The following CCNJL variants were observed in gnomAD, a reference collection of about 807,000 sequenced individuals.
The protein encoded by CCNJL is cyclin J like.
A neutral mutation model predicts 33.4 loss-of-function variants in CCNJL; 33 were observed. The ratio of observed to expected loss-of-function variants is 0.99; its 90% confidence interval spans 0.75 to 1.32. The LOEUF (loss-of-function observed/expected upper bound fraction) is 1.32. CCNJL is among the 40% of genes most tolerant of loss of function. CCNJL has a pLI of 0.00. For synonymous variants in CCNJL, 227 were observed against 220.9 expected (o/e 1.03, Z -0.24); for missense variants, 512 against 499.7 (o/e 1.02, Z -0.23).
At chr5:160,320,822 T>TTTCTTTCTTTCTTTCTTTCTTTCC (rs1561812427) in intron 1 of CCNJL, among the ~76,000 whole-genome samples, 65 of 113,352 alleles carry the variant, frequency 5.7e-4, no homozygotes, top group African/African-American at 2.4e-3. Flanking sequence ...TCTTTCTTTC[T>TTTCTTTCTTTCTTTCTTTCTTTCC]TTCTTTCTTT....
intron 1 of CCNJL, among the ~76,000 whole-genome samples, chr5:160,322,085 T>A (rs1763472401): frequency 6.6e-6 from 1 of 152,098 alleles, no homozygotes; most frequent in African/African-American, 2.4e-5. Context: ...GGCCAGATCT[T>A]GAGCATAGTT....
intron 2 of CCNJL, among the ~76,000 whole-genome samples, chr5:160,297,669 A>C (rs989667487): frequency 3.9e-5 from 6 of 152,038 alleles, no homozygotes; most frequent in Non-Finnish European, 7.4e-5. Context: ...AAAAAAAAAA[A>C]AAACAAAACA....
intron 2 of CCNJL, among the ~76,000 whole-genome samples, chr5:160,284,274 C>G (rs1685108032): frequency 1.3e-5 from 2 of 152,070 alleles, no homozygotes; most frequent in South Asian, 4.1e-4. Flanking sequence ...ATCACTTGAG[C>G]ACAGGAGGAG....
chr5:160,291,339 A>G (rs545247412), intron 2 of CCNJL, among the ~76,000 whole-genome samples: 2 of 152,310 alleles, frequency 1.3e-5, no homozygotes, highest in Admixed American at 1.3e-4. Flanking sequence ...CCCTGAAAAA[A>G]AGGGTTCTGT....
intron 3 of CCNJL, among the ~76,000 whole-genome samples, chr5:160,279,845 G>A (rs544267377): frequency 5.3e-5 from 8 of 152,338 alleles, no homozygotes; most frequent in African/African-American, 1.4e-4. Context: ...ATGGGATGAT[G>A]TTAAGTGGAA....
chr5:160,282,354 A>G (rs975489742), intron 2 of CCNJL, among the ~76,000 whole-genome samples: 2 of 152,036 alleles, frequency 1.3e-5, no homozygotes, highest in Non-Finnish European at 2.9e-5. Context: ...CAACTATAAA[A>G]CTCTTAGAAG....
intron 3 of CCNJL, among the ~76,000 whole-genome samples, chr5:160,278,878 C>T (rs953841351): frequency 6.6e-6 from 1 of 152,204 alleles, no homozygotes; most frequent in Non-Finnish European, 1.5e-5. Flanking sequence ...GTTTCACAAG[C>T]CCCGCAGACG....
chr5:160,339,331 A>G, intron 1 of CCNJL: 1 of 287,800 alleles, frequency 3.5e-6, no homozygotes, highest in South Asian at 3.4e-5. Context: ...ATCACTTTGT[A>G]ACTCTATATA....
chr5:160,253,793 T>C lies in CCNJL; in HGVS notation c.749A>G (p.Tyr250Cys), dbSNP rs1171998814. 6.0e-6 allele frequency: 9 copies of C among 1,506,564 alleles called. No homozygotes were observed. The highest frequency in any genetic ancestry group is 4.3e-5 in the Admixed American group (2 of 46,862). The allele number at this position is 1,506,564 out of a possible 1,614,324, so 93.3% of individuals were successfully genotyped here. ...TACGGCATCCTTGAGGACGTTGTCATACACTCTGAAACGAGAAGACCTGGG... is the reference window on the plus strand; with the variant it reads ...TACGGCATCCTTGAGGACGTTGTCACACACTCTGAAACGAGAAGACCTGGG... ...STCIEILLVV[Y>C]DNVLKDAVAV... Residue 250 changes from tyrosine (Y) to cysteine (C), a missense_variant, in exon 6 of 6, where the codon TAT becomes TGT. Tyr to Cys is a radical substitution (Grantham distance 194). Transcript: ENST00000257536.
chr5:160,253,951 G>A (rs980129629), intron 5 of CCNJL, among the ~76,000 whole-genome samples, 153 bp from the exon 6 acceptor site: 2 of 152,252 alleles, frequency 1.3e-5, no homozygotes, highest in East Asian at 1.9e-4. Context: ...GTGTGGCACC[G>A]CTCCAGCTGT....
rs146342743 is a variant in CCNJL at position 160,286,752 on chromosome 5, A to C, written c.67-6014T>G. The stretch of plus-strand genomic sequence containing the variant: ...CGTGCTGGAAGGGGCTGGTCTCAAG[A>C]GGGCAGGATTTTGAAGCTAGAACAC... On this transcript the variant is annotated intron_variant, in intron 2 of 5. Transcript: ENST00000257536. 3.9e-3 allele frequency among the ~76,000 whole-genome samples: 589 copies of C among 152,264 alleles called. 1 individual carries two copies. Among genetic ancestry groups the C allele is most frequent in the Non-Finnish European group, 6.3e-3 (427 of 68,014 alleles).
rs1258185720 is a variant in CCNJL, at chr5:160,249,817, T to TG, written c.*3560_*3561insC. On this transcript the variant is annotated 3_prime_UTR_variant, in exon 6 of 6. Transcript: ENST00000257536. ...ATAAATAAATAAATAAAATAAAAAT[T>TG]TAAAAAATCAAACTAAACTGGGGAG... 2.7e-5 allele frequency: 4 copies of TG among 147,918 alleles called. No individual in the cohort carries two copies. Among genetic ancestry groups the TG allele is most frequent in the African/African-American group, 9.9e-5 (4 of 40,266 alleles). The allele number at this position is 147,918 out of a possible 1,614,324, so 9.2% of individuals were successfully genotyped here.
chr5:160,308,688 G>GC (rs1267260691), intron 2 of CCNJL, among the ~76,000 whole-genome samples: 1 of 152,188 alleles, frequency 6.6e-6, no homozygotes, highest in Non-Finnish European at 1.5e-5. Context: ...AACCCGGGAG[G>GC]CGGAGGTTGC....
intron 3 of CCNJL, among the ~76,000 whole-genome samples, chr5:160,277,744 G>GT (rs57967385): frequency 0.25 from 31,353 of 125,148 alleles, 4,435 homozygotes; most frequent in East Asian, 0.49. Context: ...CTGTCTATCT[G>GT]TTTTTTTTTT....
At chr5:160,289,678 T>C (rs1435108463) in intron 2 of CCNJL, among the ~76,000 whole-genome samples, 1 of 152,124 alleles carries the variant, frequency 6.6e-6, no homozygotes, top group Non-Finnish European at 1.5e-5. Context: ...CAAGGACTCA[T>C]GAATCACAGC....
At chr5:160,287,391 G>A (rs1051326323) in intron 2 of CCNJL, among the ~76,000 whole-genome samples, 14 of 152,318 alleles carry the variant, frequency 9.2e-5, no homozygotes, top group Middle Eastern at 6.8e-3. Context: ...CCTCTGCAGA[G>A]CCCTCAAACC....
At position 160,259,906 on chromosome 5, in the gene CCNJL, T is replaced by G. The variant is rs1580948482; in HGVS notation, c.281-135A>C. ...GCAGACAGGCCAGACTGCGGAGGAATAGGAGCACACATTCCAGATCTGTCA... is the reference window on the plus strand; with the variant it reads ...GCAGACAGGCCAGACTGCGGAGGAAGAGGAGCACACATTCCAGATCTGTCA... On this transcript the variant is annotated intron_variant, in intron 3 of 5. Transcript: ENST00000257536. The G allele has an allele frequency of 5.7e-6, 4 of 701,310 alleles. No homozygotes were observed. The East Asian group carries it at 1.0e-4, about 18-fold the overall frequency. The allele number at this position is 701,310 out of a possible 1,614,324, so 43.4% of individuals were successfully genotyped here. A position where few individuals can be genotyped will look rare whatever the true frequency, so the allele number is the denominator to read the frequency against.
At chr5:160,280,828 T>G (rs920488694) in intron 2 of CCNJL, 90 bp from the exon 3 acceptor site, 2 of 880,510 alleles carry the variant, frequency 2.3e-6, no homozygotes, top group Admixed American at 4.0e-5. Flanking sequence ...AGGGCCTGAA[T>G]GGGAGGCAAC....
chr5:160,280,788 A>T (rs954430476), intron 2 of CCNJL, 50 bp from the exon 3 acceptor site: 1 of 1,262,762 alleles, frequency 7.9e-7, no homozygotes, highest in Admixed American at 2.0e-5. Flanking sequence ...GCCTCCTGAG[A>T]GTCTCGGCTG....
Sources: gnomAD v4.1 joint callset for allele counts (sites outside exome capture counted in the v4.1 genomes callset) on GRCh38, gnomAD v4.1.1 for gene constraint, MANE v1.5 for transcripts, NCBI Gene and HGNC (gene_info 2026-07-23, HGNC 2026-07-21) for gene names.